Variants in SEZ6L2 observed in about 807,000 individuals in gnomAD.
SEZ6L2 encodes seizure 6-like protein 2.
SEZ6L2 carries 44 observed loss-of-function variants against 97.0 expected under a neutral mutation model. That is an observed-to-expected ratio of 0.45 (90% CI 0.36 to 0.58). SEZ6L2 has a LOEUF of 0.58. Among genes scored for constraint, SEZ6L2 ranks in the 20% least tolerant of loss-of-function variants. The pLI is 0.00. For synonymous variants in SEZ6L2, 543 were observed against 546.1 expected, an observed-to-expected ratio of 0.99 and a Z score of 0.08; for missense variants, 1,086 against 1,233.3, an observed-to-expected ratio of 0.88 and a Z score of 1.79.
At chr16:29,888,218 C>A (rs1482299711) in intron 6 of SEZ6L2, among the ~76,000 whole-genome samples, 1 of 152,132 alleles carries the variant, frequency 6.6e-6, no homozygotes, top group Non-Finnish European at 1.5e-5. Flanking sequence ...GATAGAAGCC[C>A]TCTGGACATG....
At position 29,876,211 on chromosome 16, in the gene SEZ6L2, G is replaced by T. The variant is rs1485344070; in HGVS notation, c.2104+545C>A. Among the ~76,000 whole-genome samples the T allele has an allele frequency of 6.6e-6, 1 of 152,080 alleles. No individual in the cohort carries two copies. The highest frequency in any genetic ancestry group is 1.5e-5 in the Non-Finnish European group (1 of 68,022). ...TGCGAGCTCCATAAGAGTATGGAGGGGCTTGAACCCCCTTCGCCTAACCCC... is the reference window on the plus strand; with the variant it reads ...TGCGAGCTCCATAAGAGTATGGAGGTGCTTGAACCCCCTTCGCCTAACCCC... On this transcript the variant is annotated intron_variant, in intron 12 of 17. Coordinates refer to ENST00000617533, the MANE Select transcript of SEZ6L2 (RefSeq NM_001243332.2). The surrounding 1 kb of genome is among the most constrained non-coding windows in gnomAD (Gnocchi z 6.5).
chr16:29,877,421 C>A lies in SEZ6L2; in HGVS notation c.1759G>T (p.Gly587Cys), dbSNP rs773920897. Residue 587 changes from glycine to cysteine, a missense_variant, in exon 11 of 18, where the codon GGT (glycine) becomes TGT (cysteine). Coordinates refer to ENST00000617533, the MANE Select transcript of SEZ6L2 (RefSeq NM_001243332.2). The part of the protein sequence containing the change: ...GDMLTLFDGD[G>C]PSARVLAQLR... ...TGGGCCAAGACTCGGGCGCTGGGAC[C>A]GTCCCCGTCGAACAGCGTCAGCATG... 1.2e-5 allele frequency: 20 copies of A among 1,610,600 alleles called. No individual in the cohort carries two copies. Among genetic ancestry groups the A allele is most frequent in the Non-Finnish European group, 1.6e-5 (19 of 1,178,526 alleles).
intron 17 of SEZ6L2, 120 bp from the exon 18 acceptor site, chr16:29,871,848 G>A (rs1350861647): frequency 1.1e-6 from 1 of 880,096 alleles, no homozygotes; most frequent in African/African-American, 1.7e-5. Flanking sequence ...GGGGCTGGGG[G>A]GCCAGTGAAT....
chr16:29,878,461 TG>T, intron 9 of SEZ6L2, 36 bp from the exon 10 acceptor site: 1 of 1,551,200 alleles, frequency 6.4e-7, no homozygotes, highest in Non-Finnish European at 8.8e-7. Flanking sequence ...AGGACCCAGG[TG>T]GGCATGCTGT....
In SEZ6L2 at chr16:29,873,488, G is replaced by A. The variant is rs1394572474; in HGVS notation, c.2296+50C>T. The A allele has an allele frequency of 6.2e-7, 1 of 1,613,906 alleles. No homozygotes were observed. The highest frequency in any genetic ancestry group is 1.7e-5 in the Admixed American group (1 of 60,000). ...GCACTACTGTGCACGGGGCAGACGG[G>A]CTCTCCCAGGGCTACCCAGCCACCC... On this transcript the variant is annotated intron_variant, in intron 13 of 17. Coordinates refer to ENST00000617533, the MANE Select transcript of SEZ6L2 (RefSeq NM_001243332.2). The surrounding 1 kb of genome is among the most constrained non-coding windows in gnomAD (Gnocchi z 4.3).
rs1454056940 is a variant in SEZ6L2 at position 29,873,651 on chromosome 16, T to C, written c.2183A>G (p.His728Arg). 3.7e-6 allele frequency: 6 copies of C among 1,613,648 alleles called. No homozygotes were observed. In the African/African-American group the frequency reaches 6.7e-5, roughly 18 times the overall value. The change falls in exon 13 of 18, where the codon CAC becomes CGC. Residue 728 changes from histidine to arginine, a missense_variant. By Grantham distance (29) the His-to-Arg change is conservative. Around this residue, in one of 2 missense-constraint regions of SEZ6L2, gnomAD observed 310 missense variants for 438.6 expected, o/e 0.71. Coordinates refer to ENST00000617533, the MANE Select transcript of SEZ6L2 (RefSeq NM_001243332.2). This position sits in a 1 kb window ranked among gnomAD's most constrained non-coding sequence, Gnocchi z 4.3. ...ASDAGFPVGS[H>R]VQYRCLPGYS... is the part of the protein sequence containing the mutation. Reference sequence around the variant, plus strand: ...CCCTGGCAGGCAGCGGTACTGGACGTGGGAGCCAACGGGGAAGCCGGCGTC... The same window carrying C: ...CCCTGGCAGGCAGCGGTACTGGACGCGGGAGCCAACGGGGAAGCCGGCGTC...
In SEZ6L2 at chr16:29,885,492, A is replaced by G. The variant is rs2068117528; in HGVS notation, c.1372+94T>C. 2.2e-6 allele frequency: 3 copies of G among 1,342,960 alleles called. No homozygotes were observed. The Admixed American group carries it at 5.7e-5, about 25-fold the overall frequency. 83.2% of individuals were successfully genotyped at this position (1,342,960 alleles called of 1,614,324 possible). A position where few individuals can be genotyped will look rare whatever the true frequency, so the allele number is the denominator to read the frequency against. ...TTTCAAGGAACCCAGCACGGAGATG[A>G]ACAGGCATAGAGTTTGTGCTTCCGA... On this transcript the variant is annotated intron_variant, in intron 8 of 17. Transcript: ENST00000617533.
Position 29,871,211 on chromosome 16 carries a change from A to T in SEZ6L2, c.*488T>A. On this transcript the variant is annotated 3_prime_UTR_variant, in exon 18 of 18. Transcript: ENST00000617533. Reference sequence around the variant, plus strand: ...CTCAAAAACAAGAATTCAGAAGCAAAGGTGGAGAGACTGTGGGTTGGGGAG... The same window carrying T: ...CTCAAAAACAAGAATTCAGAAGCAATGGTGGAGAGACTGTGGGTTGGGGAG... The T allele has an allele frequency of 5.5e-6, 1 of 180,632 alleles. No homozygotes were observed. 11.2% of individuals were successfully genotyped at this position (180,632 alleles called of 1,614,324 possible).
At chr16:29,883,951 T>A (rs1161086488) in intron 8 of SEZ6L2, among the ~76,000 whole-genome samples, 6 of 151,552 alleles carry the variant, frequency 4.0e-5, no homozygotes, top group African/African-American at 7.3e-5. Context: ...ATAATAATAA[T>A]AAAATACCCT....
Position 29,872,425 on chromosome 16 carries a change from A to G in SEZ6L2, c.2629T>C (p.Tyr877His), listed in dbSNP as rs778217227. 1 of 1,614,178 alleles carries G rather than the reference A, an allele frequency of 6.2e-7. No individual in the cohort carries two copies. The highest frequency in any genetic ancestry group is 8.5e-7 in the Non-Finnish European group (1 of 1,180,008). ...GLVIVLGSGV[Y>H]IYYTKLQGKS... Reference sequence around the variant, plus strand: ...GCTACTTACTTGGTGTAGTAGATGTAAACGCCACTGCCGAGGACAATGACC... The same window carrying G: ...GCTACTTACTTGGTGTAGTAGATGTGAACGCCACTGCCGAGGACAATGACC... The change falls in exon 16 of 18, where the codon TAC becomes CAC. Residue 877 changes from tyrosine (Y) to histidine (H), a missense_variant. Tyr to His is a moderately conservative substitution (Grantham distance 83). Around this residue, in one of 2 missense-constraint regions of SEZ6L2, gnomAD observed 310 missense variants for 438.6 expected, o/e 0.71. Transcript: ENST00000617533.
chr16:29,876,797 C>T lies in SEZ6L2; in HGVS notation c.2063G>A (p.Trp688Ter). 1 of 1,588,900 alleles carries T rather than the reference C, an allele frequency of 6.3e-7. No individual in the cohort carries two copies. ...LLGSDILTCQ[W>*]DLSWSAAPPA... ...CGGCGCGGCGCTCCAAGACAGGTCC[C>T]ACTGGCAAGTGAGAATGTCGGAGCC... Residue 688 changes from tryptophan to a stop codon, truncating the protein, a stop_gained, in exon 12 of 18, where the codon TGG becomes TAG. Coordinates refer to ENST00000617533, the MANE Select transcript of SEZ6L2 (RefSeq NM_001243332.2). LOFTEE classifies it high-confidence loss of function. The surrounding 1 kb of genome is among the most constrained non-coding windows in gnomAD (Gnocchi z 6.5).
In SEZ6L2 at chr16:29,896,693, C is replaced by T. The variant is rs938490193; in HGVS notation, c.511+129G>A. On this transcript the variant is annotated intron_variant, in intron 3 of 17. Coordinates refer to ENST00000617533, the MANE Select transcript of SEZ6L2 (RefSeq NM_001243332.2). ...ACATAGTAAGGGTACAGAAATGCTACCTTTGTTATTATTATTCTCCCATCT... is the reference window on the plus strand; with the variant it reads ...ACATAGTAAGGGTACAGAAATGCTATCTTTGTTATTATTATTCTCCCATCT... 4 of 747,022 alleles carry T rather than the reference C, an allele frequency of 5.4e-6. No individual in the cohort carries two copies. The African/African-American group carries it at 7.0e-5, about 13-fold the overall frequency. The allele number at this position is 747,022 out of a possible 1,614,324, so 46.3% of individuals were successfully genotyped here.
intron 5 of SEZ6L2, among the ~76,000 whole-genome samples, chr16:29,894,902 G>A (rs536439561): frequency 2.0e-5 from 3 of 152,150 alleles, no homozygotes; most frequent in Non-Finnish European, 2.9e-5. Flanking sequence ...TCTATAGGCC[G>A]GGCACAGTGG....
intron 8 of SEZ6L2, among the ~76,000 whole-genome samples, chr16:29,883,298 CCTTTTCTTTT>C (rs796933007): frequency 5.3e-5 from 8 of 151,996 alleles, no homozygotes; most frequent in African/African-American, 1.9e-4. Context: ...TCCTCTCTTT[CCTTTTCTTTT>C]CTTTTCTTCT....
At chr16:29,896,005 C>T in intron 3 of SEZ6L2, 145 bp from the exon 4 acceptor site, 1 of 853,880 alleles carries the variant, frequency 1.2e-6, no homozygotes. Flanking sequence ...CTCTGTCACC[C>T]AGGCTGGAGT....
At chr16:29,893,767 C>A (rs1337484859) in intron 5 of SEZ6L2, among the ~76,000 whole-genome samples, 1 of 152,178 alleles carries the variant, frequency 6.6e-6, no homozygotes, top group Non-Finnish European at 1.5e-5. Context: ...GCCTCCCAGC[C>A]TGGTCTCTGG....
Position 29,897,092 on chromosome 16 carries a change from G to C in SEZ6L2, c.241C>G (p.Pro81Ala). 1 of 1,580,946 alleles carries C rather than the reference G, an allele frequency of 6.3e-7. No homozygotes were observed. Among genetic ancestry groups the C allele is most frequent in the Non-Finnish European group, 8.5e-7 (1 of 1,171,128 alleles). Reference sequence around the variant, plus strand: ...ACTGCGAGAGTCTGGCCGGCCGGAGGGGTGGCTAGCGTGGGGTCCCGATCA... The same window carrying C: ...ACTGCGAGAGTCTGGCCGGCCGGAGCGGTGGCTAGCGTGGGGTCCCGATCA... ...GSDRDPTLAT[P>A]PAGQTLAVPS... Residue 81 changes from proline to alanine, a missense_variant, in exon 3 of 18, where the codon CCT becomes GCT. Physicochemically the swap from Pro to Ala is conservative, Grantham distance 27. Around this residue, in one of 2 missense-constraint regions of SEZ6L2, gnomAD observed 776 missense variants for 794.7 expected, o/e 0.98. Coordinates refer to ENST00000617533, the MANE Select transcript of SEZ6L2 (RefSeq NM_001243332.2).
chr16:29,893,558 A>T (rs1290990271), intron 5 of SEZ6L2, among the ~76,000 whole-genome samples: 4 of 151,622 alleles, frequency 2.6e-5, no homozygotes, highest in African/African-American at 9.7e-5. Flanking sequence ...GAGACAGGAG[A>T]ATCATCTGAA....
rs767321946 is a variant in SEZ6L2, at chr16:29,887,727, C to T, written c.1130G>A (p.Arg377His). 47 of 1,612,842 alleles carry T rather than the reference C, an allele frequency of 2.9e-5. No individual in the cohort carries two copies. Among genetic ancestry groups the T allele is most frequent in the Admixed American group, 1.3e-4 (8 of 59,792 alleles). Reference sequence around the variant, plus strand: ...CCCCTCAGCTGCTTCAATGACCCAACGGCAGGTGAGGTTGGGCCCTACGGC... The same window carrying T: ...CCCCTCAGCTGCTTCAATGACCCAATGGCAGGTGAGGTTGGGCCCTACGGC... ...GGAVGPNLTC[R>H]WVIEAAEGRR... Residue 377 changes from arginine (R) to histidine (H), a missense_variant, in exon 7 of 18, where the codon CGT becomes CAT. This residue lies in a region of SEZ6L2 where 776 missense variants were observed against 794.7 expected (regional missense o/e 0.98). Transcript: ENST00000617533.
Sources: gnomAD v4.1 joint callset for allele counts (sites outside exome capture counted in the v4.1 genomes callset) on GRCh38, gnomAD v4.1.1 for gene constraint, gnomAD v4.1.1 regional missense constraint, Gnocchi (gnomAD v3.1) non-coding constraint, MANE v1.5 for transcripts, NCBI Gene and HGNC (gene_info 2026-07-23, HGNC 2026-07-21) for gene names.